Variants in THADA observed in about 807,000 individuals in gnomAD.
THADA encodes THADA armadillo repeat containing, also known as tRNA (32-2'-O)-methyltransferase regulator THADA.
A neutral mutation model predicts 219.8 loss-of-function variants in THADA; 213 were observed. The ratio of observed to expected loss-of-function variants is 0.97; its 90% CI spans 0.87 to 1.09. The LOEUF is 1.09. THADA is among the 50% of genes least tolerant of loss of function. THADA has a pLI of 0.00. For synonymous variants in THADA, 1,018 were observed against 828.9 expected, an observed-to-expected ratio of 1.23 and a Z score of -3.92; for missense variants, 2,956 against 2,311.3, an observed-to-expected ratio of 1.28 and a Z score of -5.72.
intron 26 of THADA, among the ~76,000 whole-genome samples, chr2:43,432,965 ATT>A (rs1679564453): frequency 6.6e-6 from 1 of 152,272 alleles, no homozygotes; most frequent in African/African-American, 2.4e-5. Context: ...GAATTTTAAA[ATT>A]TTTGACAAAG....
chr2:43,355,721 T>C (rs898297852), intron 29 of THADA, among the ~76,000 whole-genome samples: 2 of 152,216 alleles, frequency 1.3e-5, no homozygotes, highest in African/African-American at 4.8e-5. Context: ...GAAATCCAGT[T>C]TTCCCAGCAC....
At chr2:43,536,375 A>G (rs970917032) in intron 21 of THADA, among the ~76,000 whole-genome samples, 2 of 152,194 alleles carry the variant, frequency 1.3e-5, no homozygotes, top group African/African-American at 4.8e-5. Flanking sequence ...GAAGTCTGGT[A>G]GTATGTTACC....
At chr2:43,515,382 T>C (rs1457865602) in intron 22 of THADA, among the ~76,000 whole-genome samples, 1 of 89,428 alleles carries the variant, frequency 1.1e-5, no homozygotes, top group Non-Finnish European at 2.2e-5. Flanking sequence ...TAATATATAA[T>C]ATTTTATATA....
chr2:43,280,817 T>C (rs1034501865), intron 35 of THADA, among the ~76,000 whole-genome samples: 11 of 152,138 alleles, frequency 7.2e-5, no homozygotes, highest in Non-Finnish European at 1.5e-4. Flanking sequence ...TAATAAAAGA[T>C]AGTATCTTGT....
intron 26 of THADA, among the ~76,000 whole-genome samples, chr2:43,455,316 A>C (rs1682851111): frequency 6.6e-6 from 1 of 152,146 alleles, no homozygotes; most frequent in Non-Finnish European, 1.5e-5. Context: ...AGTGTAACTT[A>C]CTTTTTTTCC....
chr2:43,268,838 C>T (rs561247889), intron 36 of THADA, among the ~76,000 whole-genome samples: 1 of 152,314 alleles, frequency 6.6e-6, no homozygotes, highest in African/African-American at 2.4e-5. Flanking sequence ...GGGCAGGTGC[C>T]AGTGCTGGCT....
chr2:43,389,545 C>T (rs1422801454), intron 29 of THADA, among the ~76,000 whole-genome samples: 1 of 152,104 alleles, frequency 6.6e-6, no homozygotes, highest in Non-Finnish European at 1.5e-5. Context: ...TCTTGCAAAC[C>T]CCACTTTGAA....
At chr2:43,514,620 TTA>T (rs1036814402) in intron 22 of THADA, among the ~76,000 whole-genome samples, 7 of 105,956 alleles carry the variant, frequency 6.6e-5, no homozygotes, top group Non-Finnish European at 8.6e-5. Context: ...TTTATATATT[TTA>T]TATATATGTA....
chr2:43,572,147 C>G (rs1014326646), intron 12 of THADA, among the ~76,000 whole-genome samples: 1 of 152,106 alleles, frequency 6.6e-6, no homozygotes, highest in African/African-American at 2.4e-5. Flanking sequence ...CCAGTGACCC[C>G]TTTTACCCCA....
chr2:43,578,461 A>T (rs1330890710), intron 9 of THADA, 52 bp downstream of exon 9: 3 of 1,461,060 alleles, frequency 2.1e-6, no homozygotes, highest in Non-Finnish European at 2.8e-6. Flanking sequence ...TTATTTTTTA[A>T]ACATACCCTA....
intron 17 of THADA, among the ~76,000 whole-genome samples, chr2:43,555,024 TG>T (rs1697176544): frequency 6.6e-6 from 1 of 152,178 alleles, no homozygotes; most frequent in African/African-American, 2.4e-5. Context: ...CCATTTCAGG[TG>T]TTGGATTACG....
At chr2:43,374,574 A>G (rs1468467106) in intron 29 of THADA, among the ~76,000 whole-genome samples, 3 of 152,188 alleles carry the variant, frequency 2.0e-5, no homozygotes, top group Admixed American at 1.3e-4. Context: ...CAATAAAAGT[A>G]CCCACTGATA....
intron 25 of THADA, among the ~76,000 whole-genome samples, chr2:43,492,753 T>C (rs1687795805): frequency 6.6e-6 from 1 of 152,198 alleles, no homozygotes; most frequent in Non-Finnish European, 1.5e-5. Flanking sequence ...CCAGGAAAAC[T>C]GTGCTGGGAT....
At chr2:43,232,652 C>G in intron 37 of THADA, 61 bp downstream of exon 37, 1 of 1,550,350 alleles carries the variant, frequency 6.5e-7, no homozygotes, top group Non-Finnish European at 8.8e-7. Flanking sequence ...GTAGGTGCTG[C>G]ATCTAGCGGG....
chr2:43,331,405 C>T (rs778638432), intron 30 of THADA, among the ~76,000 whole-genome samples: 2 of 152,184 alleles, frequency 1.3e-5, no homozygotes, highest in African/African-American at 2.4e-5. Context: ...GACCACTAAG[C>T]GAGGTTGGAA....
intron 26 of THADA, among the ~76,000 whole-genome samples, chr2:43,453,726 T>C (rs1340534619): frequency 6.6e-6 from 1 of 152,198 alleles, no homozygotes; most frequent in Non-Finnish European, 1.5e-5. Flanking sequence ...AGCCTGTACA[T>C]TGAAATTACA....
intron 36 of THADA, among the ~76,000 whole-genome samples, chr2:43,235,952 A>G (rs1465449900): frequency 1.3e-5 from 2 of 151,740 alleles, no homozygotes; most frequent in Admixed American, 6.6e-5. Context: ...GATTACAGGC[A>G]CCCGCCACCA....
chr2:43,546,753 C>A (rs1307803201), intron 20 of THADA, among the ~76,000 whole-genome samples: 1 of 151,944 alleles, frequency 6.6e-6, no homozygotes, highest in Non-Finnish European at 1.5e-5. Context: ...TTATTTTGAG[C>A]CTATGTGTGT....
At chr2:43,394,036 C>T (rs1481023813) in intron 29 of THADA, among the ~76,000 whole-genome samples, 1 of 152,138 alleles carries the variant, frequency 6.6e-6, no homozygotes, top group Non-Finnish European at 1.5e-5. Flanking sequence ...GCAACAAAAA[C>T]AGAAGGTTAA....
Sources: allele counts gnomAD v4.1 joint callset (sites outside exome capture counted in the v4.1 genomes callset), GRCh38; gene constraint gnomAD v4.1.1; transcripts MANE v1.5; gene names NCBI Gene and HGNC (gene_info 2026-07-23, HGNC 2026-07-21).